Variants in SPATS2 observed in about 807,000 individuals in gnomAD.
The protein encoded by SPATS2 is spermatogenesis-associated serine-rich protein 2.
In SPATS2, 38 loss-of-function variants were observed where a neutral mutation model predicts 63.7. The observed-to-expected ratio is 0.60, with a 90% CI of 0.46 to 0.78. The LOEUF is 0.78. SPATS2 is among the 30% of genes least tolerant of loss of function. SPATS2 has a pLI of 0.00. For synonymous variants in SPATS2, 207 were observed against 232.9 expected, an observed-to-expected ratio of 0.89 and a Z score of 1.01; for missense variants, 588 against 666.2, an observed-to-expected ratio of 0.88 and a Z score of 1.29.
At chr12:49,384,553 GTA>G (rs1466250270) in intron 2 of SPATS2, among the ~76,000 whole-genome samples, 3 of 152,150 alleles carry the variant, frequency 2.0e-5, no homozygotes, top group Non-Finnish European at 2.9e-5. Flanking sequence ...GTGCAAGTGT[GTA>G]TGTATATATA....
intron 2 of SPATS2, among the ~76,000 whole-genome samples, chr12:49,446,688 A>G (rs1945516190): frequency 6.6e-6 from 1 of 152,120 alleles, no homozygotes; most frequent in Non-Finnish European, 1.5e-5. Context: ...AGCCAGAGAA[A>G]TTTCTCCCGT....
intron 2 of SPATS2, among the ~76,000 whole-genome samples, chr12:49,386,181 T>A (rs1433546686): frequency 6.6e-6 from 1 of 150,676 alleles, no homozygotes; most frequent in Non-Finnish European, 1.5e-5. Flanking sequence ...GGTTATTTAT[T>A]TGAGACAGAA....
intron 12 of SPATS2, among the ~76,000 whole-genome samples, chr12:49,524,214 C>A (rs1946993266): frequency 6.6e-6 from 1 of 151,988 alleles, no homozygotes; most frequent in Middle Eastern, 3.2e-3. Context: ...ATTATTTATA[C>A]CTTGTATCAT....
chr12:49,462,127 G>T, intron 3 of SPATS2: 1 of 568,508 alleles, frequency 1.8e-6, no homozygotes. Flanking sequence ...AAATTACTTT[G>T]ACCTTTTTAA....
At chr12:49,393,616 A>G (rs1944457595) in intron 2 of SPATS2, among the ~76,000 whole-genome samples, 1 of 152,210 alleles carries the variant, frequency 6.6e-6, no homozygotes, top group Non-Finnish European at 1.5e-5. Context: ...GTGTGATTAT[A>G]AATTAATGGA....
At chr12:49,497,060 C>T (rs1481653433) in intron 8 of SPATS2, 51 bp downstream of exon 8, 2 of 1,478,656 alleles carry the variant, frequency 1.4e-6, no homozygotes, top group Non-Finnish European at 1.8e-6. Flanking sequence ...GTGTTTTTGG[C>T]TAAAGAGGGC....
intron 2 of SPATS2, among the ~76,000 whole-genome samples, chr12:49,437,660 C>T (rs1355364013): frequency 6.6e-6 from 1 of 152,210 alleles, no homozygotes; most frequent in Admixed American, 6.5e-5. Context: ...AACCCCGTCT[C>T]CACCAAAAAA....
intron 2 of SPATS2, among the ~76,000 whole-genome samples, chr12:49,428,677 G>A (rs1485816132): frequency 6.6e-6 from 1 of 152,108 alleles, no homozygotes; most frequent in Non-Finnish European, 1.5e-5. Flanking sequence ...GCACATAGTA[G>A]GTTTATGTTA....
At chr12:49,425,178 C>G (rs940883985) in intron 2 of SPATS2, among the ~76,000 whole-genome samples, 1 of 151,832 alleles carries the variant, frequency 6.6e-6, no homozygotes. Context: ...AGTACAAACC[C>G]TTTTTTTAGA....
chr12:49,472,216 A>G lies in SPATS2; in HGVS notation c.25+11179A>G, dbSNP rs1370941312. On this transcript the variant is annotated intron_variant, in intron 3 of 13. Transcript: ENST00000552918. ...AAATAGAGGAGTATGAGGAACTCCT[A>G]TATACCTATAACTCAGGTTCAATAA... Among the ~76,000 whole-genome samples, 10 of 152,254 alleles carry G rather than the reference A, an allele frequency of 6.6e-5. No homozygotes were observed. In the East Asian group the frequency reaches 1.3e-3, roughly 21 times the overall value.
At chr12:49,378,543 C>T (rs893506742) in intron 2 of SPATS2, among the ~76,000 whole-genome samples, 19 of 151,834 alleles carry the variant, frequency 1.3e-4, no homozygotes, top group African/African-American at 3.9e-4. Context: ...ATGATCTGCC[C>T]GCCTTGGCCT....
At chr12:49,421,701 T>G (rs1461713887) in intron 2 of SPATS2, among the ~76,000 whole-genome samples, 1 of 152,188 alleles carries the variant, frequency 6.6e-6, no homozygotes, top group African/African-American at 2.4e-5. Context: ...TTAGGGCCTA[T>G]TCATTTAAAT....
chr12:49,512,404 G>A (rs1592473792), intron 9 of SPATS2, among the ~76,000 whole-genome samples: 1 of 151,786 alleles, frequency 6.6e-6, no homozygotes, highest in Admixed American at 6.6e-5. Flanking sequence ...AATTTTTGTG[G>A]GTACATGGTA....
chr12:49,385,844 TTTG>T (rs1408432151), intron 2 of SPATS2, among the ~76,000 whole-genome samples: 3 of 126,238 alleles, frequency 2.4e-5, no homozygotes, highest in South Asian at 2.3e-4. Context: ...TTGTTTTTTG[TTTG>T]TTTGTTTGTT....
chr12:49,475,510 G>A (rs1326598886), intron 3 of SPATS2, among the ~76,000 whole-genome samples: 3 of 152,006 alleles, frequency 2.0e-5, no homozygotes, highest in South Asian at 2.1e-4. Flanking sequence ...GCGTGGTCTC[G>A]GCTCACTGCA....
chr12:49,519,692 C>G (rs1946906318), intron 11 of SPATS2, among the ~76,000 whole-genome samples: 1 of 152,156 alleles, frequency 6.6e-6, no homozygotes, highest in South Asian at 2.1e-4. Context: ...ACCCTCAGTT[C>G]ATACCATCCC....
intron 3 of SPATS2, among the ~76,000 whole-genome samples, chr12:49,478,630 A>G (rs1946157060): frequency 6.6e-6 from 1 of 152,230 alleles, no homozygotes; most frequent in African/African-American, 2.4e-5. Flanking sequence ...TTTACTTTTT[A>G]GGAGAAAGTT....
chr12:49,524,576 A>T, intron 12 of SPATS2, 106 bp from the exon 13 acceptor site: 1 of 1,184,770 alleles, frequency 8.4e-7, no homozygotes, highest in Non-Finnish European at 1.2e-6. Flanking sequence ...ATTCGAATAG[A>T]CAGTTCTTTA....
At chr12:49,422,648 C>T (rs531823204) in intron 2 of SPATS2, among the ~76,000 whole-genome samples, 2 of 152,174 alleles carry the variant, frequency 1.3e-5, no homozygotes, top group Admixed American at 6.5e-5. Context: ...CGCCTGTAAT[C>T]CCAGCACTTT....
Sources: gnomAD v4.1 joint callset for allele counts (sites outside exome capture counted in the v4.1 genomes callset) on GRCh38, gnomAD v4.1.1 for gene constraint, MANE v1.5 for transcripts, NCBI Gene and HGNC (gene_info 2026-07-23, HGNC 2026-07-21) for gene names.